Variants in ARHGEF3 observed in about 807,000 individuals in gnomAD.
The protein encoded by ARHGEF3 is 59.8 kDA protein.
ARHGEF3 carries 28 observed loss-of-function variants against 63.2 expected under a neutral mutation model. The ratio of observed to expected loss-of-function variants is 0.44; its 90% CI spans 0.33 to 0.61. ARHGEF3 has a LOEUF of 0.61. ARHGEF3 is among the 20% of genes least tolerant of loss of function. The pLI is 0.03. For synonymous variants in ARHGEF3, 266 were observed against 254.2 expected (o/e 1.05, Z -0.44); for missense variants, 533 against 659.3 (o/e 0.81, Z 2.10).
chr3:57,073,925 C>G (rs143572550), intron 1 of ARHGEF3: 1 of 1,614,162 alleles, frequency 6.2e-7, no homozygotes, highest in East Asian at 2.2e-5. Flanking sequence ...GGGATGTGTG[C>G]CAAAGTGAGA....
At chr3:56,974,621 C>G (rs1701050101) in intron 2 of ARHGEF3, among the ~76,000 whole-genome samples, 2 of 152,104 alleles carry the variant, frequency 1.3e-5, no homozygotes. Flanking sequence ...TCTGAAGTGT[C>G]CAGAAGTTGC....
chr3:56,810,772 C>T (rs1021693685), intron 4 of ARHGEF3, among the ~76,000 whole-genome samples: 27 of 152,172 alleles, frequency 1.8e-4, no homozygotes, highest in African/African-American at 6.3e-4. Flanking sequence ...AGAAGCTTAT[C>T]AAATCCATAT....
At chr3:57,034,292 A>G (rs1341844695) in intron 2 of ARHGEF3, among the ~76,000 whole-genome samples, 1 of 124,612 alleles carries the variant, frequency 8.0e-6, no homozygotes, top group African/African-American at 2.6e-5. Context: ...CACTACCACA[A>G]ATGGCTTAAA....
At chr3:56,749,427 A>G (rs2034593187) in intron 6 of ARHGEF3, among the ~76,000 whole-genome samples, 1 of 152,232 alleles carries the variant, frequency 6.6e-6, no homozygotes. Context: ...TGCTTAAGGA[A>G]ACCATGTAGT....
intron 1 of ARHGEF3, among the ~76,000 whole-genome samples, chr3:57,061,307 T>A (rs6445847): frequency 0.87 from 131,566 of 152,004 alleles, 57,002 homozygotes; most frequent in East Asian, 0.97. Context: ...TATTATTATT[T>A]TTTTTTTTGC....
chr3:56,941,354 T>A (rs544015526), intron 3 of ARHGEF3, among the ~76,000 whole-genome samples: 2 of 152,174 alleles, frequency 1.3e-5, no homozygotes, highest in East Asian at 3.9e-4. Flanking sequence ...GTCCCAGGAG[T>A]GTGCCAACAC....
intron 2 of ARHGEF3, among the ~76,000 whole-genome samples, chr3:57,030,530 TC>T (rs1703689083): frequency 6.6e-6 from 1 of 152,224 alleles, no homozygotes; most frequent in Non-Finnish European, 1.5e-5. Flanking sequence ...AATTAAATCT[TC>T]CCATTTCTCC....
chr3:56,968,279 A>T (rs1578984830), intron 2 of ARHGEF3, among the ~76,000 whole-genome samples: 7 of 29,328 alleles, frequency 2.4e-4, no homozygotes, highest in South Asian at 8.3e-4. Flanking sequence ...AATATATAAA[A>T]TATATATAAT....
chr3:56,904,127 T>TG (rs1418665816), intron 3 of ARHGEF3, among the ~76,000 whole-genome samples: 2 of 152,198 alleles, frequency 1.3e-5, no homozygotes, highest in African/African-American at 4.8e-5. Context: ...CTTCCCCAGC[T>TG]TAAGCTATCC....
intron 1 of ARHGEF3, among the ~76,000 whole-genome samples, chr3:56,788,580 C>G (rs2036934614): frequency 6.6e-6 from 1 of 152,164 alleles, no homozygotes; most frequent in Non-Finnish European, 1.5e-5. Context: ...TTAAAGCACC[C>G]TGCAAATGAA....
intron 2 of ARHGEF3, among the ~76,000 whole-genome samples, chr3:57,023,945 C>T (rs192145928): frequency 1.3e-5 from 2 of 152,330 alleles, no homozygotes; most frequent in African/African-American, 2.4e-5. Context: ...ACAACGCCCC[C>T]GGCACTGAGT....
intron 1 of ARHGEF3, among the ~76,000 whole-genome samples, chr3:56,794,225 C>T (rs1024749766): frequency 2.0e-5 from 3 of 152,198 alleles, no homozygotes; most frequent in Admixed American, 6.5e-5. Context: ...TGGTGGCTCA[C>T]GCCTGTAATC....
intron 3 of ARHGEF3, among the ~76,000 whole-genome samples, chr3:56,927,413 G>T (rs2042302310): frequency 6.6e-6 from 1 of 152,152 alleles, no homozygotes; most frequent in African/African-American, 2.4e-5. Context: ...ATGCAAATCT[G>T]TGTAAATAGC....
chr3:56,829,316 T>G (rs2038846384), intron 4 of ARHGEF3, among the ~76,000 whole-genome samples: 1 of 152,176 alleles, frequency 6.6e-6, no homozygotes, highest in Non-Finnish European at 1.5e-5. Context: ...TCATGCAAGC[T>G]ATCTGAGCTC....
At chr3:56,860,168 C>G (rs552596545) in intron 4 of ARHGEF3, among the ~76,000 whole-genome samples, 1 of 151,914 alleles carries the variant, frequency 6.6e-6, no homozygotes, top group South Asian at 2.1e-4. Flanking sequence ...CTTCTTTGTT[C>G]ATATTTATTT....
chr3:56,732,768 G>C (rs947758506), intron 8 of ARHGEF3, among the ~76,000 whole-genome samples: 3 of 152,074 alleles, frequency 2.0e-5, no homozygotes, highest in Admixed American at 2.0e-4. Flanking sequence ...AGAAAAAAAC[G>C]AGAAAGGGAA....
intron 4 of ARHGEF3, among the ~76,000 whole-genome samples, chr3:56,848,349 C>G (rs2039558106): frequency 6.6e-6 from 1 of 152,160 alleles, no homozygotes; most frequent in Admixed American, 6.5e-5. Flanking sequence ...GGAATCAACT[C>G]TAGGCTATGC....
intron 1 of ARHGEF3, among the ~76,000 whole-genome samples, chr3:56,797,566 C>T (rs1025338130): frequency 1.1e-4 from 17 of 152,290 alleles, no homozygotes; most frequent in African/African-American, 4.1e-4. Context: ...GGTATACTAT[C>T]TGTTCAATAC....
chr3:56,864,211 A>G (rs917090334), intron 4 of ARHGEF3, among the ~76,000 whole-genome samples: 3 of 152,198 alleles, frequency 2.0e-5, no homozygotes, highest in African/African-American at 4.8e-5. Flanking sequence ...TAAAGATGCA[A>G]ATCTTGGGCA....
Sources: allele counts gnomAD v4.1 joint callset (sites outside exome capture counted in the v4.1 genomes callset), GRCh38; gene constraint gnomAD v4.1.1; transcripts MANE v1.5; gene names NCBI Gene and HGNC (gene_info 2026-07-23, HGNC 2026-07-21).